DOK5: variants seen among roughly 807,000 people sequenced by gnomAD.
DOK5 encodes downstream of tyrosine kinase 5.
Under a neutral mutation model 43.3 loss-of-function variants are expected in DOK5, and 27 were observed. The ratio of observed to expected loss-of-function variants is 0.62; its 90% CI spans 0.46 to 0.86. DOK5 has a LOEUF of 0.86. Ranked by LOEUF, DOK5 falls within the 40% of genes least tolerant of loss-of-function variation. The pLI, the probability that DOK5 is intolerant of heterozygous loss-of-function variation, is 0.00. For synonymous variants in DOK5, 146 were observed against 140.1 expected (o/e 1.04, Z -0.30); for missense variants, 373 against 392.9 (o/e 0.95, Z 0.43).
chr20:54,625,219 G>C (rs1038633424), intron 6 of DOK5, among the ~76,000 whole-genome samples: 1 of 152,164 alleles, frequency 6.6e-6, no homozygotes, highest in Non-Finnish European at 1.5e-5. Context: ...GAATTAGGCA[G>C]CCCATGAGGA....
At position 54,581,541 on chromosome 20, in the gene DOK5, CTG is replaced by C. The variant is rs146248105; in HGVS notation, c.175-6938_175-6937del. On this transcript the variant is annotated intron_variant, in intron 2 of 7. Coordinates refer to ENST00000262593, the MANE Select transcript of DOK5 (RefSeq NM_018431.5). ...GAAAACAGGATGCCTTTCAATTTATCTGTGTCTTTTAAAATGAATTTCTTCAG... is the reference window on the plus strand; with the variant it reads ...GAAAACAGGATGCCTTTCAATTTATCTGTCTTTTAAAATGAATTTCTTCAG... Among the ~76,000 whole-genome samples the C allele has an allele frequency of 4.1e-3, 629 of 151,862 alleles. 2 individuals are homozygous for C. Among genetic ancestry groups the C allele is most frequent in the African/African-American group, 0.015 (613 of 41,498 alleles).
intron 1 of DOK5, among the ~76,000 whole-genome samples, chr20:54,553,350 CAT>C (rs1984594869): frequency 3.3e-5 from 5 of 152,056 alleles, no homozygotes; most frequent in Non-Finnish European, 7.4e-5. Flanking sequence ...TGCCCGCCAC[CAT>C]GCCCGGCTAA....
chr20:54,475,669 C>G lies in DOK5; in HGVS notation c.-278C>G. ...GCCGCCGCTCCTCCTCCTGGCAGGC[C>G]GGCCGCGGAGTCAGCTGACGCCGGC... On this transcript the variant is annotated 5_prime_UTR_variant, in exon 1 of 8. Coordinates refer to ENST00000262593, the MANE Select transcript of DOK5 (RefSeq NM_018431.5). The surrounding 1 kb of genome is among the most constrained non-coding windows in gnomAD (Gnocchi z 4.2). The G allele has an allele frequency of 9.6e-6, 5 of 521,282 alleles. No individual in the cohort carries two copies. The highest frequency in any genetic ancestry group is 2.3e-5 in the South Asian group (1 of 43,442). 32.3% of individuals were successfully genotyped at this position (521,282 alleles called of 1,614,324 possible).
chr20:54,478,559 G>A (rs1489836555), intron 1 of DOK5, among the ~76,000 whole-genome samples: 3 of 152,146 alleles, frequency 2.0e-5, no homozygotes, highest in Non-Finnish European at 4.4e-5. Flanking sequence ...TTTATTAATG[G>A]AATCCAGACC....
chr20:54,578,219 G>A (rs1034702908), intron 2 of DOK5, among the ~76,000 whole-genome samples: 1 of 152,072 alleles, frequency 6.6e-6, no homozygotes, highest in Non-Finnish European at 1.5e-5. Flanking sequence ...ATTACTTCAG[G>A]ATGTCAAAAA....
intron 2 of DOK5, among the ~76,000 whole-genome samples, chr20:54,562,817 C>T (rs954440853): frequency 2.6e-5 from 4 of 152,134 alleles, no homozygotes; most frequent in African/African-American, 9.7e-5. Flanking sequence ...TGAAAAGTAG[C>T]AGTGCCTACT....
At chr20:54,530,950 G>A (rs543988808) in intron 1 of DOK5, among the ~76,000 whole-genome samples, 1 of 152,268 alleles carries the variant, frequency 6.6e-6, no homozygotes, top group Non-Finnish European at 1.5e-5. Flanking sequence ...ATATTATGAG[G>A]AACACTCTTG....
At chr20:54,566,193 T>A (rs1985093860) in intron 2 of DOK5, among the ~76,000 whole-genome samples, 1 of 151,836 alleles carries the variant, frequency 6.6e-6, no homozygotes, top group Non-Finnish European at 1.5e-5. Context: ...GGATTGGCCT[T>A]CTTCACGCAA....
rs559898445 is a variant in DOK5 at position 54,528,376 on chromosome 20, C to G, written c.67-26557C>G. 2.3e-4 allele frequency among the ~76,000 whole-genome samples: 35 copies of G among 152,040 alleles called. No individual in the cohort carries two copies. In the South Asian group the frequency reaches 3.6e-3, roughly 15 times the overall value. On this transcript the variant is annotated intron_variant, in intron 1 of 7. Transcript: ENST00000262593. ...ATGGGAAAGAAGTTAAAGTTAGTAT[C>G]GTAGTTCCATGGTCAACAGGAAACC...
intron 1 of DOK5, among the ~76,000 whole-genome samples, chr20:54,514,188 T>C (rs1983111219): frequency 6.6e-6 from 1 of 152,200 alleles, no homozygotes; most frequent in African/African-American, 2.4e-5. Flanking sequence ...TTTTGGAGTC[T>C]CCCCTGGGAT....
In DOK5 at chr20:54,501,285, A is replaced by G. The variant is rs547517555; in HGVS notation, c.66+25273A>G. 4.9e-4 allele frequency among the ~76,000 whole-genome samples: 74 copies of G among 151,738 alleles called. No homozygotes were observed. In the South Asian group the frequency reaches 6.7e-3, roughly 14 times the overall value. ...GATCGAGACTATCCTGGCTAACACG[A>G]TGAAACCCCATCTCTACTAAAAATA... On this transcript the variant is annotated intron_variant, in intron 1 of 7. Transcript: ENST00000262593.
Position 54,646,037 on chromosome 20 carries a change from T to C in DOK5, c.856+2459T>C, listed in dbSNP as rs535959572. Among the ~76,000 whole-genome samples, 9 of 151,454 alleles carry C rather than the reference T, an allele frequency of 5.9e-5. 1 individual carries two copies. The highest frequency in any genetic ancestry group is 2.2e-4 in the African/African-American group (9 of 41,252). On this transcript the variant is annotated intron_variant, in intron 7 of 7. Coordinates refer to ENST00000262593, the MANE Select transcript of DOK5 (RefSeq NM_018431.5). ...ATAAGCTTACCTTCCAAGATTTCTC[T>C]GCAGAGAGAGTGAGTTAGATTGGGT...
intron 7 of DOK5, 29 bp from the exon 8 acceptor site, chr20:54,650,386 C>G (rs929743069): frequency 2.9e-5 from 47 of 1,608,740 alleles, no homozygotes; most frequent in Non-Finnish European, 3.8e-5. Flanking sequence ...TGAAATGTAA[C>G]TGTTGATTTT....
intron 1 of DOK5, among the ~76,000 whole-genome samples, chr20:54,540,153 TTTC>T (rs1984101481): frequency 6.6e-6 from 1 of 152,092 alleles, no homozygotes; most frequent in South Asian, 2.1e-4. Context: ...TGCTTTTTTT[TTTC>T]AACTCTACAA....
At chr20:54,575,696 C>T (rs1019904777) in intron 2 of DOK5, among the ~76,000 whole-genome samples, 1 of 152,330 alleles carries the variant, frequency 6.6e-6, no homozygotes, top group African/African-American at 2.4e-5. Context: ...CCACCTTGGC[C>T]TCCCAAGGTG....
chr20:54,579,005 A>G (rs1360985803), intron 2 of DOK5, among the ~76,000 whole-genome samples: 1 of 152,214 alleles, frequency 6.6e-6, no homozygotes, highest in African/African-American at 2.4e-5. Flanking sequence ...TATTGTTTGT[A>G]TGCTGTACTG....
chr20:54,645,921 G>A (rs1979389913), intron 7 of DOK5, among the ~76,000 whole-genome samples: 2 of 76,954 alleles, frequency 2.6e-5, no homozygotes, highest in African/African-American at 1.2e-4. Flanking sequence ...CATAGCAGAT[G>A]CTGCAAAAAA....
At chr20:54,545,208 C>T (rs1323666744) in intron 1 of DOK5, among the ~76,000 whole-genome samples, 1 of 152,198 alleles carries the variant, frequency 6.6e-6, no homozygotes, top group Non-Finnish European at 1.5e-5. Context: ...GATGGTTTCA[C>T]TCTTATATTG....
chr20:54,564,058 T>G (rs1985007490), intron 2 of DOK5, among the ~76,000 whole-genome samples: 1 of 152,192 alleles, frequency 6.6e-6, no homozygotes, highest in African/African-American at 2.4e-5. Context: ...GACTCCTATT[T>G]TCTTTCAGTT....
Sources: gnomAD v4.1 joint callset for allele counts (sites outside exome capture counted in the v4.1 genomes callset) on GRCh38, gnomAD v4.1.1 for gene constraint, Gnocchi (gnomAD v3.1) non-coding constraint, MANE v1.5 for transcripts, NCBI Gene and HGNC (gene_info 2026-07-23, HGNC 2026-07-21) for gene names.